CDK14: variants seen among roughly 807,000 people sequenced by gnomAD.
The protein encoded by CDK14 is cyclin dependent kinase 14, also known as cyclin-dependent kinase 14.
A neutral mutation model predicts 60.7 loss-of-function variants in CDK14; 34 were observed. That is an observed-to-expected ratio of 0.56 (90% CI 0.43 to 0.75). CDK14 has a LOEUF of 0.75. Among genes scored for constraint, CDK14 ranks in the 30% least tolerant of loss-of-function variants. The pLI, the probability that CDK14 is intolerant of heterozygous loss-of-function variation, is 0.00. For missense variants in CDK14, 482 were observed against 564.1 expected, an observed-to-expected ratio of 0.85 and a Z score of 1.47; for synonymous variants, 197 against 203.7, an observed-to-expected ratio of 0.97 and a Z score of 0.28.
intron 4 of CDK14, among the ~76,000 whole-genome samples, chr7:90,775,606 A>G (rs2116908314): frequency 8.5e-6 from 1 of 117,646 alleles, no homozygotes; most frequent in African/African-American, 3.2e-5. Flanking sequence ...ACCAGAGAAA[A>G]ACGAAAATAC....
intron 2 of CDK14, among the ~76,000 whole-genome samples, chr7:90,648,828 C>T (rs188731583): frequency 5.4e-4 from 82 of 152,244 alleles, no homozygotes; most frequent in Non-Finnish European, 9.6e-4. Context: ...GATTTATAAT[C>T]CTGACAGAGG....
At chr7:91,174,521 G>C (rs1419108896) in intron 14 of CDK14, among the ~76,000 whole-genome samples, 9 of 151,608 alleles carry the variant, frequency 5.9e-5, no homozygotes, top group Non-Finnish European at 1.0e-4. Context: ...GCTACAGGAG[G>C]ACATTCAAAC....
At chr7:90,665,203 T>C (rs368760399) in intron 2 of CDK14, among the ~76,000 whole-genome samples, 2 of 152,088 alleles carry the variant, frequency 1.3e-5, no homozygotes, top group South Asian at 4.1e-4. Flanking sequence ...GAGAATTGCT[T>C]GAACCCAGGA....
At chr7:90,682,741 T>C (rs1335280826) in intron 2 of CDK14, among the ~76,000 whole-genome samples, 1 of 152,242 alleles carries the variant, frequency 6.6e-6, no homozygotes, top group Non-Finnish European at 1.5e-5. Context: ...GTCATATCTT[T>C]TTAGTCTCCT....
At chr7:90,753,343 C>T (rs938110189) in intron 4 of CDK14, among the ~76,000 whole-genome samples, 6 of 152,146 alleles carry the variant, frequency 3.9e-5, no homozygotes, top group African/African-American at 1.2e-4. Flanking sequence ...ATTCACAAAT[C>T]GATACATGTG....
chr7:91,044,550 T>G (rs997425734), intron 10 of CDK14, among the ~76,000 whole-genome samples: 6 of 152,138 alleles, frequency 3.9e-5, no homozygotes, highest in Admixed American at 3.9e-4. Context: ...GCAGGTATAA[T>G]GAGGTATGTC....
At chr7:90,746,163 G>T (rs952191441) in intron 3 of CDK14, among the ~76,000 whole-genome samples, 8 of 152,090 alleles carry the variant, frequency 5.3e-5, no homozygotes, top group African/African-American at 1.9e-4. Flanking sequence ...CTGAAGTTTT[G>T]ATTCTGATTA....
At chr7:90,648,400 G>A (rs1800517078) in intron 2 of CDK14, among the ~76,000 whole-genome samples, 1 of 152,126 alleles carries the variant, frequency 6.6e-6, no homozygotes, top group African/African-American at 2.4e-5. Flanking sequence ...TGTGTTTTAA[G>A]ACCTCAGAAG....
chr7:90,966,127 A>G (rs1344127177), intron 9 of CDK14, among the ~76,000 whole-genome samples: 2 of 152,166 alleles, frequency 1.3e-5, no homozygotes, highest in East Asian at 3.8e-4. Context: ...GTCACTTTCT[A>G]GAAAATTTGT....
intron 2 of CDK14, among the ~76,000 whole-genome samples, chr7:90,690,461 A>C (rs1418691899): frequency 4.6e-5 from 7 of 152,190 alleles, no homozygotes; most frequent in African/African-American, 1.4e-4. Flanking sequence ...CCTGTAAAAT[A>C]CTTAGAAATA....
intron 5 of CDK14, among the ~76,000 whole-genome samples, chr7:90,822,161 G>A (rs114020600): frequency 6.6e-6 from 1 of 152,138 alleles, no homozygotes; most frequent in Non-Finnish European, 1.5e-5. Flanking sequence ...GGTATTTTTG[G>A]CAGTATCTAG....
In CDK14 at chr7:90,789,065, G is replaced by A. The variant is rs78527168; in HGVS notation, c.465-1508G>A. The stretch of plus-strand genomic sequence containing the variant: ...TGCACATACCTTTGACCTTGCAATG[G>A]CACTTTTAGGAATTTAACTTACGGA... On this transcript the variant is annotated intron_variant, in intron 4 of 14. Coordinates refer to ENST00000380050, the MANE Select transcript of CDK14 (RefSeq NM_001287135.2). Among the ~76,000 whole-genome samples the A allele has an allele frequency of 7.4e-3, 1,134 of 152,242 alleles. 5 individuals carry two copies. The highest frequency in any genetic ancestry group is 0.012 in the Non-Finnish European group (804 of 68,004).
chr7:90,620,855 G>A (rs749141243), intron 2 of CDK14, among the ~76,000 whole-genome samples: 1 of 152,124 alleles, frequency 6.6e-6, no homozygotes, highest in Non-Finnish European at 1.5e-5. Flanking sequence ...TTTTAAAGAG[G>A]GGGAAACTGA....
At chr7:90,639,157 T>A (rs1451813392) in intron 2 of CDK14, among the ~76,000 whole-genome samples, 3 of 152,336 alleles carry the variant, frequency 2.0e-5, no homozygotes, top group African/African-American at 7.2e-5. Flanking sequence ...CTTCCAGCTT[T>A]GATCTGTTGC....
intron 1 of CDK14, among the ~76,000 whole-genome samples, chr7:90,601,360 T>C (rs149976982): frequency 1.0e-3 from 152 of 152,354 alleles, no homozygotes; most frequent in African/African-American, 3.6e-3. Context: ...AAAGACATCT[T>C]AAGTTGGTCT....
Position 90,930,129 on chromosome 7 carries a change from CTTAA to C in CDK14, c.826+12409_826+12412del, listed in dbSNP as rs1262931913. On this transcript the variant is annotated intron_variant, in intron 8 of 14. Transcript: ENST00000380050. ...GACATTTTGGTAGTGTTTTTTTTTT[CTTAA>C]TTAGATTGTTACCAAAGTTCATTTG... Among the ~76,000 whole-genome samples, 7 of 147,204 alleles carry C rather than the reference CTTAA, an allele frequency of 4.8e-5. No individual in the cohort carries two copies. In the South Asian group the frequency reaches 6.4e-4, roughly 13 times the overall value.
intron 12 of CDK14, among the ~76,000 whole-genome samples, chr7:91,085,800 G>T (rs559425949): frequency 6.6e-6 from 1 of 152,162 alleles, no homozygotes; most frequent in African/African-American, 2.4e-5. Flanking sequence ...TATGTATAAG[G>T]AAGAAATCAG....
intron 14 of CDK14, among the ~76,000 whole-genome samples, chr7:91,136,968 A>G (rs1453365764): frequency 6.6e-6 from 1 of 152,204 alleles, no homozygotes; most frequent in African/African-American, 2.4e-5. Context: ...TGCCCTCTTC[A>G]TTGATAATTA....
intron 2 of CDK14, among the ~76,000 whole-genome samples, chr7:90,616,227 T>G (rs933993078): frequency 6.6e-6 from 1 of 150,396 alleles, no homozygotes; most frequent in Admixed American, 6.6e-5. Context: ...TAAGTAAGCA[T>G]TATTTTATAA....
Sources: gnomAD v4.1 joint callset for allele counts (sites outside exome capture counted in the v4.1 genomes callset) on GRCh38, gnomAD v4.1.1 for gene constraint, MANE v1.5 for transcripts, NCBI Gene and HGNC (gene_info 2026-07-23, HGNC 2026-07-21) for gene names.